TMTC2: variants seen among roughly 807,000 people sequenced by gnomAD.
The protein encoded by TMTC2 is protein O-mannosyl-transferase TMTC2.
Under a neutral mutation model 82.4 loss-of-function variants are expected in TMTC2, and 43 were observed. The observed-to-expected ratio is 0.52, with a 90% CI of 0.41 to 0.67. TMTC2 has a LOEUF of 0.67. TMTC2 is among the 30% of genes least tolerant of loss of function. TMTC2 has a pLI of 0.00. For synonymous variants in TMTC2, 408 were observed against 381.9 expected (o/e 1.07, Z -0.80); for missense variants, 919 against 1,012.4 (o/e 0.91, Z 1.25).
chr12:82,926,062 A>G (rs1314721994), intron 3 of TMTC2, among the ~76,000 whole-genome samples: 2 of 151,446 alleles, frequency 1.3e-5, no homozygotes, highest in Non-Finnish European at 2.9e-5. Context: ...GCTCACTGCA[A>G]CCACTGCCTC....
chr12:82,704,369 A>G (rs1279179274), intron 1 of TMTC2, among the ~76,000 whole-genome samples: 2 of 152,232 alleles, frequency 1.3e-5, no homozygotes, highest in Admixed American at 1.3e-4. Flanking sequence ...AAATTTAAAC[A>G]TAAACTAGAA....
At chr12:82,968,938 C>A (rs758231939) in intron 7 of TMTC2, among the ~76,000 whole-genome samples, 1 of 152,068 alleles carries the variant, frequency 6.6e-6, no homozygotes. Flanking sequence ...ATTTTTTCTA[C>A]GATTATGGTG....
chr12:82,728,497 G>T (rs1440755144), intron 1 of TMTC2, among the ~76,000 whole-genome samples: 2 of 152,144 alleles, frequency 1.3e-5, no homozygotes, highest in East Asian at 3.9e-4. Context: ...GAGGTGGGCA[G>T]ATCACCTGAG....
intron 1 of TMTC2, among the ~76,000 whole-genome samples, chr12:82,688,828 G>A (rs1872454334): frequency 6.6e-6 from 1 of 152,268 alleles, no homozygotes; most frequent in East Asian, 1.9e-4. Flanking sequence ...GACAGTGAGG[G>A]GAGGTGAAGG....
chr12:82,750,886 C>T (rs1875961408), intron 1 of TMTC2, among the ~76,000 whole-genome samples: 1 of 152,044 alleles, frequency 6.6e-6, no homozygotes, highest in South Asian at 2.1e-4. Context: ...TGAACAAATT[C>T]CAGTTTTTTT....
At chr12:82,914,975 A>G (rs1273018015) in intron 3 of TMTC2, among the ~76,000 whole-genome samples, 1 of 151,670 alleles carries the variant, frequency 6.6e-6, no homozygotes, top group Non-Finnish European at 1.5e-5. Flanking sequence ...ACAGGCATGC[A>G]CCACCACGCC....
intron 8 of TMTC2, among the ~76,000 whole-genome samples, chr12:83,025,480 A>G (rs11115542): frequency 0.59 from 89,806 of 151,846 alleles, 27,105 homozygotes; most frequent in South Asian, 0.73. Flanking sequence ...AACCTAAAAC[A>G]CTTCTGACAC....
At chr12:83,024,624 A>G (rs1372887697) in intron 8 of TMTC2, among the ~76,000 whole-genome samples, 3 of 152,182 alleles carry the variant, frequency 2.0e-5, no homozygotes, top group African/African-American at 7.2e-5. Context: ...GAGTAGGGCC[A>G]CTGAAATGAA....
chr12:82,945,280 A>G (rs1486453812), intron 4 of TMTC2, among the ~76,000 whole-genome samples: 1 of 152,232 alleles, frequency 6.6e-6, no homozygotes, highest in Non-Finnish European at 1.5e-5. Context: ...TGTATTATGT[A>G]GAAATATTCA....
chr12:82,921,435 A>G (rs1213228698), intron 3 of TMTC2, among the ~76,000 whole-genome samples: 1 of 152,178 alleles, frequency 6.6e-6, no homozygotes, highest in East Asian at 1.9e-4. Flanking sequence ...AGTAATTGTT[A>G]AATAAATGTA....
intron 7 of TMTC2, among the ~76,000 whole-genome samples, chr12:82,967,809 T>C (rs749569678): frequency 1.3e-5 from 2 of 152,148 alleles, no homozygotes; most frequent in Non-Finnish European, 2.9e-5. Flanking sequence ...AAGTCAAATT[T>C]TCCCTTTTCA....
At chr12:82,751,725 G>A (rs2136966725) in intron 1 of TMTC2, among the ~76,000 whole-genome samples, 1 of 152,154 alleles carries the variant, frequency 6.6e-6, no homozygotes, top group South Asian at 2.1e-4. Context: ...GAATGTATGT[G>A]AATATTAAGA....
intron 9 of TMTC2, among the ~76,000 whole-genome samples, chr12:83,036,673 A>T (rs1881676843): frequency 6.6e-6 from 1 of 152,092 alleles, no homozygotes; most frequent in African/African-American, 2.4e-5. Context: ...TTCTACTGTT[A>T]TTATTATACT....
At chr12:82,789,014 A>G (rs1377076034) in intron 1 of TMTC2, among the ~76,000 whole-genome samples, 3 of 152,082 alleles carry the variant, frequency 2.0e-5, no homozygotes, top group African/African-American at 7.2e-5. Context: ...ATAGATAAAT[A>G]AAAGAAAGGA....
intron 4 of TMTC2, among the ~76,000 whole-genome samples, chr12:82,940,746 T>G: frequency 1.2e-5 from 1 of 84,150 alleles, no homozygotes; most frequent in East Asian, 3.7e-4. Context: ...TTTTGCATAA[T>G]ACCTATACAT....
intron 1 of TMTC2, among the ~76,000 whole-genome samples, chr12:82,744,818 T>C (rs1175624406): frequency 6.6e-6 from 1 of 152,158 alleles, no homozygotes; most frequent in Non-Finnish European, 1.5e-5. Flanking sequence ...CCCACATACA[T>C]AGTAAGCAAC....
chr12:83,081,110 A>C (rs1026315634), intron 11 of TMTC2, among the ~76,000 whole-genome samples: 3 of 152,204 alleles, frequency 2.0e-5, no homozygotes, highest in Non-Finnish European at 2.9e-5. Flanking sequence ...TATTTTATCA[A>C]GATTATAAGT....
intron 11 of TMTC2, among the ~76,000 whole-genome samples, chr12:83,079,249 A>G (rs943806652): frequency 1.3e-5 from 2 of 151,956 alleles, no homozygotes; most frequent in Non-Finnish European, 2.9e-5. Flanking sequence ...ATCTTCCCCT[A>G]TGGAACCTAC....
intron 1 of TMTC2, among the ~76,000 whole-genome samples, chr12:82,796,401 G>A (rs1029714439): frequency 6.6e-6 from 1 of 152,106 alleles, no homozygotes; most frequent in African/African-American, 2.4e-5. Context: ...TCTTGTTTTA[G>A]TAGTGAAAAA....
Sources: gnomAD v4.1 joint callset for allele counts (sites outside exome capture counted in the v4.1 genomes callset) on GRCh38, gnomAD v4.1.1 for gene constraint, MANE v1.5 for transcripts, NCBI Gene and HGNC (gene_info 2026-07-23, HGNC 2026-07-21) for gene names.